WWP1: variants seen among roughly 807,000 people sequenced by gnomAD.
The protein encoded by WWP1 is WW domain containing E3 ubiquitin protein ligase 1.
WWP1 carries 49 observed loss-of-function variants against 130.6 expected under a neutral mutation model. The observed-to-expected ratio is 0.38, with a 90% CI of 0.30 to 0.48. WWP1 has a LOEUF of 0.48. WWP1 is among the 20% of genes least tolerant of loss of function. The probability of loss-of-function intolerance (pLI) is 0.99; values close to 1 mark genes in which losing one functional copy is unlikely to be tolerated. For synonymous variants in WWP1, 332 were observed against 367.8 expected, an observed-to-expected ratio of 0.90 and a Z score of 1.11; for missense variants, 809 against 1,100.6, an observed-to-expected ratio of 0.74 and a Z score of 3.75.
At chr8:86,382,388 A>G (rs1825032548) in intron 5 of WWP1, among the ~76,000 whole-genome samples, 1 of 152,160 alleles carries the variant, frequency 6.6e-6, no homozygotes, top group South Asian at 2.1e-4. Flanking sequence ...AAAATGTGTG[A>G]TCCTCTGAAT....
At chr8:86,375,695 C>T (rs1292723633) in intron 3 of WWP1, among the ~76,000 whole-genome samples, 1 of 152,190 alleles carries the variant, frequency 6.6e-6, no homozygotes, top group Non-Finnish European at 1.5e-5. Context: ...TGGCGTTCCA[C>T]TGTTTGCTAT....
chr8:86,343,173 A>G, intron 1 of WWP1: 1 of 205,326 alleles, frequency 4.9e-6, no homozygotes, highest in Non-Finnish European at 9.7e-6. Flanking sequence ...GGCCTGTGCC[A>G]GTGATCCTGG....
chr8:86,462,142 C>T (rs972580610), intron 24 of WWP1, among the ~76,000 whole-genome samples: 9 of 151,946 alleles, frequency 5.9e-5, no homozygotes, highest in Non-Finnish European at 1.3e-4. Context: ...TGGTGGGGCA[C>T]AAATGACAAA....
intron 5 of WWP1, among the ~76,000 whole-genome samples, chr8:86,391,428 T>C (rs2130440224): frequency 6.6e-6 from 1 of 152,346 alleles, no homozygotes; most frequent in East Asian, 1.9e-4. Context: ...TTTAGCTTTC[T>C]TTCCCTTATG....
At chr8:86,394,624 G>A (rs1807547052) in intron 5 of WWP1, among the ~76,000 whole-genome samples, 2 of 152,116 alleles carry the variant, frequency 1.3e-5, no homozygotes, top group African/African-American at 2.4e-5. Context: ...CATCTACAGT[G>A]CCTGGCACAC....
chr8:86,352,461 G>A (rs1023356995), intron 1 of WWP1, among the ~76,000 whole-genome samples: 3 of 152,058 alleles, frequency 2.0e-5, no homozygotes, highest in Non-Finnish European at 4.4e-5. Flanking sequence ...CTGGCCTCAA[G>A]TGATTCACCC....
intron 1 of WWP1, among the ~76,000 whole-genome samples, chr8:86,366,483 C>T (rs1448766642): frequency 6.6e-6 from 1 of 152,156 alleles, no homozygotes; most frequent in Non-Finnish European, 1.5e-5. Context: ...TTGAGAAAGC[C>T]TCTTACTCTT....
At chr8:86,408,900 A>T (rs2130548158) in intron 8 of WWP1, among the ~76,000 whole-genome samples, 1 of 151,208 alleles carries the variant, frequency 6.6e-6, no homozygotes, top group East Asian at 1.9e-4. Flanking sequence ...ACAGAGCAAG[A>T]CTCTGTCTCA....
chr8:86,369,532 A>G (rs1824165147), intron 2 of WWP1, among the ~76,000 whole-genome samples: 1 of 152,154 alleles, frequency 6.6e-6, no homozygotes, highest in African/African-American at 2.4e-5. Context: ...TTCATGTAGT[A>G]AAGTGAATAG....
chr8:86,345,755 G>T (rs932249775), intron 1 of WWP1, among the ~76,000 whole-genome samples: 6 of 152,056 alleles, frequency 3.9e-5, no homozygotes, highest in African/African-American at 4.8e-5. Context: ...GTTCTTCTGT[G>T]TACTGATAAG....
chr8:86,452,361 A>G (rs922575984), intron 20 of WWP1, among the ~76,000 whole-genome samples, 198 bp from the exon 21 acceptor site: 7 of 152,020 alleles, frequency 4.6e-5, no homozygotes, highest in African/African-American at 7.2e-5. Flanking sequence ...ATAGTTAACA[A>G]TGTGTTAGAA....
chr8:86,415,600 G>A (rs769088234), intron 9 of WWP1, among the ~76,000 whole-genome samples: 1 of 152,180 alleles, frequency 6.6e-6, no homozygotes, highest in African/African-American at 2.4e-5. Flanking sequence ...TTTGGCAAAT[G>A]CGTATGTCTG....
At chr8:86,368,280 G>A (rs183815790) in intron 1 of WWP1, among the ~76,000 whole-genome samples, 1 of 152,232 alleles carries the variant, frequency 6.6e-6, no homozygotes, top group Admixed American at 6.5e-5. Flanking sequence ...AGTTAACTTG[G>A]TCATACAGCT....
chr8:86,407,896 A>T (rs1267180543), intron 8 of WWP1, among the ~76,000 whole-genome samples: 2 of 152,172 alleles, frequency 1.3e-5, no homozygotes, highest in Non-Finnish European at 2.9e-5. Context: ...ATACATTGTT[A>T]TTAACTAAAG....
chr8:86,359,666 C>T (rs1446231770), intron 1 of WWP1, among the ~76,000 whole-genome samples: 1 of 152,110 alleles, frequency 6.6e-6, no homozygotes, highest in East Asian at 1.9e-4. Context: ...TCAGCCAGTT[C>T]TGCCTTCTCA....
At chr8:86,410,772 T>A (rs1808539458) in intron 8 of WWP1, among the ~76,000 whole-genome samples, 1 of 151,960 alleles carries the variant, frequency 6.6e-6, no homozygotes, top group Admixed American at 6.6e-5. Context: ...TCTTACATCT[T>A]TAGGTACTTC....
intron 1 of WWP1, among the ~76,000 whole-genome samples, chr8:86,360,948 G>T (rs1823557283): frequency 6.6e-6 from 1 of 152,204 alleles, no homozygotes; most frequent in South Asian, 2.1e-4. Flanking sequence ...GAATGCAAAG[G>T]CTCCTTTGCA....
Position 86,438,673 on chromosome 8 carries a change from G to A in WWP1, c.1838G>A (p.Arg613Lys). The change falls in exon 17 of 25, where the codon AGA becomes AAA. Residue 613 changes from arginine (R) to lysine (K), a missense_variant and splice_region_variant. Coordinates refer to ENST00000517970, the MANE Select transcript of WWP1 (RefSeq NM_007013.4). ...EEGLDYGGLA[R>K]EWFFLLSHEV... is the part of the protein sequence containing the mutation. ...GGACTTGATTATGGTGGCCTAGCGA[G>A]GTAAAATAAAAAACACATATCTGCC... is the stretch of plus-strand genomic sequence containing the variant. 6.3e-7 allele frequency: 1 copy of A among 1,596,160 alleles called. No homozygotes were observed. The highest frequency in any genetic ancestry group is 8.5e-7 in the Non-Finnish European group (1 of 1,174,808).
At chr8:86,442,477 T>G (rs1810643400) in intron 17 of WWP1, 142 bp from the exon 18 acceptor site, 1 of 722,890 alleles carries the variant, frequency 1.4e-6, no homozygotes. Flanking sequence ...TAGAAGAACT[T>G]GGATAGAGGG....
Sources: allele counts gnomAD v4.1 joint callset (sites outside exome capture counted in the v4.1 genomes callset), GRCh38; gene constraint gnomAD v4.1.1; transcripts MANE v1.5; gene names NCBI Gene and HGNC (gene_info 2026-07-23, HGNC 2026-07-21).